The following MRC2 variants were observed in gnomAD, a reference collection of about 807,000 sequenced individuals.
MRC2 encodes the protein mannose receptor C-type 2.
In MRC2, 84 loss-of-function variants were observed where a neutral mutation model predicts 206.2. The observed-to-expected ratio is 0.41, with a 90% confidence interval of 0.34 to 0.49. MRC2 has a LOEUF of 0.49. MRC2 is among the 20% of genes least tolerant of loss of function. The probability of loss-of-function intolerance (pLI) is 0.31; values close to 1 mark genes in which losing one functional copy is unlikely to be tolerated. For synonymous variants in MRC2, 798 were observed against 800.0 expected (o/e 1.00, Z 0.04); for missense variants, 1,676 against 2,001.5 (o/e 0.84, Z 3.10).
Position 62,659,501 on chromosome 17 carries a change from G to A in MRC2, c.119-5047G>A, listed in dbSNP as rs138055759. ...GAGGTTGCAGCAGTGAGCAGAGATC[G>A]CGCCACTGCACTCCAGCTGGGGCAA... On this transcript the variant is annotated intron_variant, in intron 1 of 29. Transcript: ENST00000303375. Among the ~76,000 whole-genome samples the A allele has an allele frequency of 1.0e-3, 156 of 151,744 alleles. 7 individuals are homozygous for A. In the East Asian group the frequency reaches 0.027, roughly 26 times the overall value.
chr17:62,671,725 C>A lies in MRC2; in HGVS notation c.1194C>A (p.Ala398=), dbSNP rs141657044. 7 of 1,612,778 alleles carry A rather than the reference C, an allele frequency of 4.3e-6. No individual in the cohort carries two copies. In the African/African-American group the frequency reaches 9.3e-5, roughly 22 times the overall value. The change falls in exon 7 of 30, where the codon GCC becomes GCA. Residue 398 remains alanine (A), a synonymous_variant. Coordinates refer to ENST00000303375, the MANE Select transcript of MRC2 (RefSeq NM_006039.5). The surrounding 1 kb of genome is among the most constrained non-coding windows in gnomAD (Gnocchi z 4.5). The stretch of plus-strand genomic sequence containing the variant: ...AGGGCCACTGCTACCGCCTGCAGGC[C>A]GAGAAGCGCAGCTGGCAGGAGTCCA... The part of the protein sequence containing the change: ...PFQGHCYRLQ[A]EKRSWQESKK...
chr17:62,675,338 C>CG lies in MRC2; in HGVS notation c.1570-449dup, dbSNP rs1459029310. ...GTCTCTGAGCCCCTCCTGCCATCCC[C>CG]GGGCCAGGAGCATCCTGCGCCGACT... On this transcript the variant is annotated intron_variant, in intron 9 of 29. Transcript: ENST00000303375. This position sits in a 1 kb window ranked among gnomAD's most constrained non-coding sequence, Gnocchi z 4.1. 6.6e-6 allele frequency among the ~76,000 whole-genome samples: 1 copy of CG among 152,224 alleles called. No homozygotes were observed. Among genetic ancestry groups the CG allele is most frequent in the Non-Finnish European group, 1.5e-5 (1 of 68,030 alleles).
At chr17:62,682,073 G>A (rs2147484256) in intron 19 of MRC2, 136 bp downstream of exon 19, 1 of 1,084,746 alleles carries the variant, frequency 9.2e-7, no homozygotes, top group Non-Finnish European at 1.3e-6. Context: ...TCAGCGAGGG[G>A]TGGACCTGTC....
In MRC2 at chr17:62,690,598, C is replaced by G. The variant is rs201591954; in HGVS notation, c.3893-44C>G. ...AGCAGCTCTGGGGGACTCTGCCCCC[C>G]CCGGAGACCCATCCGCCCTGACGTG... On this transcript the variant is annotated intron_variant, in intron 26 of 29. Transcript: ENST00000303375. The G allele has an allele frequency of 6.9e-3, 10,737 of 1,548,386 alleles. 62 individuals are homozygous for G. The highest frequency in any genetic ancestry group is 8.1e-3 in the Non-Finnish European group (9,293 of 1,147,410).
chr17:62,682,449 G>T, intron 20 of MRC2, 72 bp downstream of exon 20: 3 of 1,505,042 alleles, frequency 2.0e-6, no homozygotes. Flanking sequence ...TGAGCCTCAG[G>T]AGTCCTGGCC....
chr17:62,627,798 C>T lies in MRC2; in HGVS notation c.-5C>T. 7.0e-7 allele frequency: 1 copy of T among 1,427,156 alleles called. No homozygotes were observed. Among genetic ancestry groups the T allele is most frequent in the Non-Finnish European group, 9.1e-7 (1 of 1,099,724 alleles). 88.4% of individuals were successfully genotyped at this position (1,427,156 alleles called of 1,614,324 possible). On this transcript the variant is annotated 5_prime_UTR_variant, in exon 1 of 30. Coordinates refer to ENST00000303375, the MANE Select transcript of MRC2 (RefSeq NM_006039.5). ...CCCCGCGTCCACTGAGCGCCGCGCT[C>T]GGGGATGGGGCCCGGCCGGCCGGCC...
chr17:62,654,300 G>C (rs1042752464), intron 1 of MRC2, among the ~76,000 whole-genome samples: 1 of 151,972 alleles, frequency 6.6e-6, no homozygotes, highest in Admixed American at 6.5e-5. Context: ...TGGGCCCTGC[G>C]TTCCTGCCTG....
rs1598984327 is a variant in MRC2 at position 62,666,995 on chromosome 17, A to C, written c.973+125A>C. ...GTGGGTAGGGGAAGCACCGACCTCC[A>C]CCCCCCTCCCCAGACTGCGCCCCCC... On this transcript the variant is annotated intron_variant, in intron 5 of 29. Coordinates refer to ENST00000303375, the MANE Select transcript of MRC2 (RefSeq NM_006039.5). The surrounding 1 kb of genome is among the most constrained non-coding windows in gnomAD (Gnocchi z 5.0). The C allele has an allele frequency of 1.3e-6, 1 of 752,664 alleles. No individual in the cohort carries two copies. The highest frequency in any genetic ancestry group is 2.2e-6 in the Non-Finnish European group (1 of 453,320). 46.6% of individuals were successfully genotyped at this position (752,664 alleles called of 1,614,324 possible). A position where few individuals can be genotyped will look rare whatever the true frequency, so the allele number is the denominator to read the frequency against.
intron 1 of MRC2, among the ~76,000 whole-genome samples, chr17:62,663,958 CT>C (rs1200787312): frequency 0.048 from 6,008 of 125,168 alleles, 305 homozygotes; most frequent in African/African-American, 0.18. Flanking sequence ...GTTGGGTTTG[CT>C]TTTTTTTTTT....
chr17:62,678,108 G>C (rs1177586136), intron 12 of MRC2, among the ~76,000 whole-genome samples: 1 of 152,220 alleles, frequency 6.6e-6, no homozygotes, highest in Non-Finnish European at 1.5e-5. Context: ...TGGAGATTTA[G>C]ATTCATTAGG....
chr17:62,666,908 G>T lies in MRC2; in HGVS notation c.973+38G>T. ...GTTGGGGGCGCAGGGCAGCATAGGG[G>T]CCCCGCGGGCTCTTGGCCTCCCATG... On this transcript the variant is annotated intron_variant, in intron 5 of 29. Transcript: ENST00000303375. The surrounding 1 kb of genome is among the most constrained non-coding windows in gnomAD (Gnocchi z 5.0). The T allele has an allele frequency of 1.9e-6, 3 of 1,543,514 alleles. No individual in the cohort carries two copies. The highest frequency in any genetic ancestry group is 2.7e-6 in the Non-Finnish European group (3 of 1,119,236).
intron 18 of MRC2, 56 bp downstream of exon 18, chr17:62,681,185 GCA>G (rs777495420): frequency 1.2e-4 from 194 of 1,579,234 alleles, no homozygotes; most frequent in Non-Finnish European, 1.6e-4. Context: ...CACACACGGA[GCA>G]CAGAGGCAGA....
chr17:62,691,560 A>T (rs3786132), intron 28 of MRC2, among the ~76,000 whole-genome samples: 2 of 151,876 alleles, frequency 1.3e-5, no homozygotes, highest in South Asian at 4.2e-4. Context: ...ACTTGAGGTC[A>T]GGGGTTCAAG....
chr17:62,671,602 G>C lies in MRC2; in HGVS notation c.1118-47G>C. 1 of 1,507,106 alleles carries C rather than the reference G, an allele frequency of 6.6e-7. No individual in the cohort carries two copies. The highest frequency in any genetic ancestry group is 8.9e-7 in the Non-Finnish European group (1 of 1,125,562). The allele number at this position is 1,507,106 out of a possible 1,614,324, so 93.4% of individuals were successfully genotyped here. On this transcript the variant is annotated intron_variant, in intron 6 of 29. Coordinates refer to ENST00000303375, the MANE Select transcript of MRC2 (RefSeq NM_006039.5). The surrounding 1 kb of genome is among the most constrained non-coding windows in gnomAD (Gnocchi z 4.5). The stretch of plus-strand genomic sequence containing the variant: ...CGTCAACCCAGTGGGTTGGTTCCCA[G>C]ACTGGGCGGCTCAGTCCCTGAGCAG...
At chr17:62,663,939 C>T (rs922708208) in intron 1 of MRC2, among the ~76,000 whole-genome samples, 1 of 150,258 alleles carries the variant, frequency 6.7e-6, no homozygotes, top group Admixed American at 6.6e-5. Flanking sequence ...AGGTGATGTG[C>T]CGGGTGGAGT....
rs1335460723 is a variant in MRC2 at position 62,652,600 on chromosome 17, G to C, written c.119-11948G>C. Among the ~76,000 whole-genome samples the C allele has an allele frequency of 6.6e-6, 1 of 152,190 alleles. No homozygotes were observed. Among genetic ancestry groups the C allele is most frequent in the African/African-American group, 2.4e-5 (1 of 41,452 alleles). On this transcript the variant is annotated intron_variant, in intron 1 of 29. Transcript: ENST00000303375. This position sits in a 1 kb window ranked among gnomAD's most constrained non-coding sequence, Gnocchi z 4.6. ...CTCTTGGGCTGTTTATTTTGGCTGCGGGCTAGCAGACGGCGCCAGGGGCAG... is the reference window on the plus strand; with the variant it reads ...CTCTTGGGCTGTTTATTTTGGCTGCCGGCTAGCAGACGGCGCCAGGGGCAG...
At chr17:62,656,586 T>C (rs1285890491) in intron 1 of MRC2, among the ~76,000 whole-genome samples, 3 of 152,154 alleles carry the variant, frequency 2.0e-5, no homozygotes, top group Non-Finnish European at 1.5e-5. Flanking sequence ...AGAAGGATGA[T>C]TAGGAGAATG....
intron 1 of MRC2, among the ~76,000 whole-genome samples, chr17:62,646,747 A>G (rs914027836): frequency 1.3e-5 from 2 of 152,156 alleles, no homozygotes; most frequent in African/African-American, 2.4e-5. Flanking sequence ...TTAGTGTCAA[A>G]CTCTGCATAT....
In MRC2 at chr17:62,675,041, G is replaced by A. The variant is rs1031935549; in HGVS notation, c.1570-749G>A. Among the ~76,000 whole-genome samples, 5 of 152,200 alleles carry A rather than the reference G, an allele frequency of 3.3e-5. No homozygotes were observed. The highest frequency in any genetic ancestry group is 9.7e-5 in the African/African-American group (4 of 41,442). Reference sequence around the variant, plus strand: ...AGAGGGGAGAGCAGAGCCCAGCTGCGGAGTCTGTGGACTGGCAAGGACAGT... The same window carrying A: ...AGAGGGGAGAGCAGAGCCCAGCTGCAGAGTCTGTGGACTGGCAAGGACAGT... On this transcript the variant is annotated intron_variant, in intron 9 of 29. Coordinates refer to ENST00000303375, the MANE Select transcript of MRC2 (RefSeq NM_006039.5). This position sits in a 1 kb window ranked among gnomAD's most constrained non-coding sequence, Gnocchi z 4.1.
Sources: gnomAD v4.1 joint callset for allele counts (sites outside exome capture counted in the v4.1 genomes callset) on GRCh38, gnomAD v4.1.1 for gene constraint, Gnocchi (gnomAD v3.1) non-coding constraint, MANE v1.5 for transcripts, NCBI Gene and HGNC (gene_info 2026-07-23, HGNC 2026-07-21) for gene names.